MGMT: variants seen among roughly 807,000 people sequenced by gnomAD.
MGMT encodes O-6-methylguanine-DNA methyltransferase, also known as methylated-DNA--protein-cysteine methyltransferase.
In MGMT, 14 loss-of-function variants were observed where a neutral mutation model predicts 15.9. That is an observed-to-expected ratio of 0.88 (90% CI 0.58 to 1.37). The LOEUF is 1.37. MGMT is among the 40% of genes most tolerant of loss of function. MGMT has a pLI of 0.00. For missense variants in MGMT, 282 were observed against 268.1 expected, an observed-to-expected ratio of 1.05 and a Z score of -0.36; for synonymous variants, 130 against 118.2, an observed-to-expected ratio of 1.10 and a Z score of -0.65.
chr10:129,468,018 A>G (rs984695402), intron 1 of MGMT, among the ~76,000 whole-genome samples: 8 of 152,118 alleles, frequency 5.3e-5, no homozygotes, highest in Non-Finnish European at 8.8e-5. Flanking sequence ...TGTGTGTGCA[A>G]CCTATGCCTG....
chr10:129,467,356 C>T (rs1845180251), intron 1 of MGMT, 60 bp downstream of exon 1: 3 of 1,485,266 alleles, frequency 2.0e-6, no homozygotes, highest in Admixed American at 2.2e-5. Context: ...GGGACGGTGG[C>T]AGCCTCGAGT....
At chr10:129,497,977 T>C (rs1186167014) in intron 1 of MGMT, among the ~76,000 whole-genome samples, 2 of 152,240 alleles carry the variant, frequency 1.3e-5, no homozygotes, top group African/African-American at 4.8e-5. Context: ...CAGTCTAAGG[T>C]ATTTTATTCC....
chr10:129,622,900 T>C (rs896817797), intron 2 of MGMT, among the ~76,000 whole-genome samples: 6 of 152,208 alleles, frequency 3.9e-5, no homozygotes, highest in Non-Finnish European at 7.3e-5. Flanking sequence ...ACTTGTGGAA[T>C]GCATGGAGCC....
intron 2 of MGMT, among the ~76,000 whole-genome samples, chr10:129,654,803 G>A (rs948098573): frequency 5.3e-5 from 8 of 152,166 alleles, no homozygotes; most frequent in East Asian, 1.9e-4. Flanking sequence ...GTCATGACAC[G>A]TGATACCTGA....
intron 2 of MGMT, among the ~76,000 whole-genome samples, chr10:129,539,041 A>G (rs1564846188): frequency 6.6e-6 from 1 of 151,998 alleles, no homozygotes; most frequent in East Asian, 1.9e-4. Context: ...TATTGTGATG[A>G]TTTTCTCACA....
rs1459060956 is a variant in MGMT at position 129,696,212 on chromosome 10, G to A, written c.126-11683G>A. On this transcript the variant is annotated intron_variant, in intron 2 of 4. Coordinates refer to ENST00000651593, the MANE Select transcript of MGMT (RefSeq NM_002412.5). ...CTTAGTGTAACGAGTGGGGCTGCTG[G>A]AACTCAACAGACTATTTACAGTTAC... is the stretch of plus-strand genomic sequence containing the variant. Among the ~76,000 whole-genome samples the A allele has an allele frequency of 3.3e-5, 5 of 152,318 alleles. No homozygotes were observed. In the South Asian group the frequency reaches 6.2e-4, roughly 19 times the overall value.
At chr10:129,706,354 A>G (rs1455289932) in intron 2 of MGMT, among the ~76,000 whole-genome samples, 2 of 152,214 alleles carry the variant, frequency 1.3e-5, no homozygotes, top group Non-Finnish European at 2.9e-5. Context: ...AGGCAAGTGA[A>G]GCCTTCACTG....
intron 2 of MGMT, among the ~76,000 whole-genome samples, chr10:129,548,234 A>C (rs759191788): frequency 1.3e-5 from 2 of 152,202 alleles, no homozygotes; most frequent in Non-Finnish European, 2.9e-5. Context: ...GTGTTTGTAT[A>C]TGTACATTAT....
At chr10:129,560,908 C>G (rs1350191480) in intron 2 of MGMT, among the ~76,000 whole-genome samples, 1 of 151,604 alleles carries the variant, frequency 6.6e-6, no homozygotes, top group African/African-American at 2.4e-5. Context: ...TTTTCAGAAA[C>G]GGGAACTTTC....
At chr10:129,515,712 G>A (rs1231621289) in intron 1 of MGMT, among the ~76,000 whole-genome samples, 1 of 152,192 alleles carries the variant, frequency 6.6e-6, no homozygotes, top group East Asian at 1.9e-4. Context: ...TAAGTGGTAT[G>A]ACCTCAAGGG....
chr10:129,748,184 T>A (rs1367866731), intron 3 of MGMT, among the ~76,000 whole-genome samples: 1 of 152,232 alleles, frequency 6.6e-6, no homozygotes, highest in Admixed American at 6.5e-5. Flanking sequence ...TTACTGGGAA[T>A]GCTTCTGCAT....
intron 2 of MGMT, among the ~76,000 whole-genome samples, chr10:129,692,893 G>A (rs547509477): frequency 1.3e-5 from 2 of 152,350 alleles, no homozygotes; most frequent in East Asian, 3.9e-4. Context: ...CCTCGCGGTT[G>A]CTCTCATCCG....
intron 1 of MGMT, among the ~76,000 whole-genome samples, chr10:129,519,658 A>G (rs1047736658): frequency 8.5e-5 from 13 of 152,208 alleles, no homozygotes; most frequent in Admixed American, 4.6e-4. Context: ...ACACTGAGTC[A>G]TAAATCATCC....
At chr10:129,686,414 GC>G (rs1327657900) in intron 2 of MGMT, among the ~76,000 whole-genome samples, 1 of 151,898 alleles carries the variant, frequency 6.6e-6, no homozygotes, top group Non-Finnish European at 1.5e-5. Context: ...TCGCTTTGTT[GC>G]CCAGGCTGGA....
chr10:129,617,286 T>C (rs1256881852), intron 2 of MGMT, among the ~76,000 whole-genome samples: 1 of 152,234 alleles, frequency 6.6e-6, no homozygotes, highest in African/African-American at 2.4e-5. Context: ...CTGCATAGTA[T>C]TCTGTGGTGT....
rs1020884179 is a variant in MGMT at position 129,472,128 on chromosome 10, T to G, written c.-13+4832T>G. On this transcript the variant is annotated intron_variant, in intron 1 of 4. Transcript: ENST00000651593. ...CCCCCTCTGGGTCAAGGCATTTTCC[T>G]GGTCTCAGGTGAGGGTGCACTTTCA... Among the ~76,000 whole-genome samples, 4 of 152,162 alleles carry G rather than the reference T, an allele frequency of 2.6e-5. No individual in the cohort carries two copies. The East Asian group carries it at 7.8e-4, about 30-fold the overall frequency.
intron 2 of MGMT, among the ~76,000 whole-genome samples, chr10:129,644,529 A>G (rs1172432177): frequency 6.6e-6 from 1 of 152,082 alleles, no homozygotes; most frequent in Non-Finnish European, 1.5e-5. Context: ...AAAGGGCCCC[A>G]TGAGCCCATC....
intron 4 of MGMT, among the ~76,000 whole-genome samples, chr10:129,761,076 C>T (rs984742109): frequency 1.3e-5 from 2 of 152,274 alleles, no homozygotes; most frequent in South Asian, 2.1e-4. Flanking sequence ...GTCTTCTCCC[C>T]GGTTGTGAGT....
chr10:129,617,129 C>T (rs1367460720), intron 2 of MGMT, among the ~76,000 whole-genome samples: 1 of 152,146 alleles, frequency 6.6e-6, no homozygotes, highest in African/African-American at 2.4e-5. Flanking sequence ...TCACCCTCCT[C>T]CCACCCTCAA....
Sources: allele counts gnomAD v4.1 joint callset (sites outside exome capture counted in the v4.1 genomes callset), GRCh38; gene constraint gnomAD v4.1.1; transcripts MANE v1.5; gene names NCBI Gene and HGNC (gene_info 2026-07-23, HGNC 2026-07-21).